KHDC1: variants seen among roughly 807,000 people sequenced by gnomAD.
The protein encoded by KHDC1 is KH domain containing 1.
In KHDC1, 21 loss-of-function variants were observed where a neutral mutation model predicts 24.7. That is an observed-to-expected ratio of 0.85 (90% CI 0.60 to 1.23). The LOEUF is 1.23. KHDC1 is among the 50% of genes most tolerant of loss of function. KHDC1 has a pLI of 0.00. For synonymous variants in KHDC1, 98 were observed against 111.7 expected (o/e 0.88, Z 0.77); for missense variants, 274 against 298.5 (o/e 0.92, Z 0.61).
At chr6:73,288,525 G>A (rs1767563423) in intron 2 of KHDC1, among the ~76,000 whole-genome samples, 2 of 152,146 alleles carry the variant, frequency 1.3e-5, no homozygotes, top group African/African-American at 4.8e-5. Context: ...GGAGGCTGAG[G>A]CAGGAGAATC....
At chr6:73,308,256 AG>A (rs1017530801) in intron 1 of KHDC1, among the ~76,000 whole-genome samples, 57 of 150,872 alleles carry the variant, frequency 3.8e-4, no homozygotes, top group African/African-American at 1.3e-3. Flanking sequence ...TTGTATTTTT[AG>A]TAGAGACAGG....
At chr6:73,279,193 A>T (rs1473945209) in intron 2 of KHDC1, among the ~76,000 whole-genome samples, 1 of 152,192 alleles carries the variant, frequency 6.6e-6, no homozygotes, top group Non-Finnish European at 1.5e-5. Flanking sequence ...GATCACTTGC[A>T]GTCAGGAGTT....
At chr6:73,244,358 T>C (rs987492016) in intron 2 of KHDC1, among the ~76,000 whole-genome samples, 7 of 152,058 alleles carry the variant, frequency 4.6e-5, no homozygotes, top group Non-Finnish European at 1.0e-4. Flanking sequence ...GGGGAGTTAC[T>C]GAAGATTAAG....
chr6:73,278,645 A>G (rs2150658038), intron 2 of KHDC1, among the ~76,000 whole-genome samples: 1 of 152,226 alleles, frequency 6.6e-6, no homozygotes, highest in African/African-American at 2.4e-5. Flanking sequence ...TTCATTATGA[A>G]TTTTTGCATT....
intron 2 of KHDC1, among the ~76,000 whole-genome samples, chr6:73,255,904 CAAAAAA>C (rs1205326198): frequency 2.0e-5 from 1 of 49,402 alleles, no homozygotes; most frequent in Non-Finnish European, 4.4e-5. Flanking sequence ...CCTGTCTCAA[CAAAAAA>C]AAAAAAAAAA....
At chr6:73,267,313 C>A (rs1299389533) in intron 2 of KHDC1, among the ~76,000 whole-genome samples, 1 of 152,018 alleles carries the variant, frequency 6.6e-6, no homozygotes, top group Non-Finnish European at 1.5e-5. Flanking sequence ...AACCCCATCT[C>A]TACTAAAAAA....
At chr6:73,291,872 A>G (rs1464432095) in intron 2 of KHDC1, 3 of 1,024,898 alleles carry the variant, frequency 2.9e-6, no homozygotes, top group Non-Finnish European at 4.4e-6. Flanking sequence ...CTATTACACA[A>G]TACATTCATG....
intron 2 of KHDC1, among the ~76,000 whole-genome samples, chr6:73,289,859 G>C (rs1767607463): frequency 6.6e-6 from 1 of 151,970 alleles, no homozygotes; most frequent in Admixed American, 6.5e-5. Context: ...CCAGCACTTT[G>C]GGAGGCCGAG....
chr6:73,243,744 G>A lies in KHDC1; in HGVS notation c.207-1214C>T, dbSNP rs547563808. 7.9e-5 allele frequency among the ~76,000 whole-genome samples: 12 copies of A among 152,312 alleles called. No individual in the cohort carries two copies. The East Asian group carries it at 2.3e-3, about 29-fold the overall frequency. On this transcript the variant is annotated intron_variant, in intron 2 of 4. Transcript: ENST00000370384. Reference sequence around the variant, plus strand: ...TTTAACCTTGCCACAAAACTGTTCTGCCTGAGCAGTAATGTTTTAGCGAGG... The same window carrying A: ...TTTAACCTTGCCACAAAACTGTTCTACCTGAGCAGTAATGTTTTAGCGAGG...
intron 2 of KHDC1, chr6:73,275,419 T>A (rs1767266816): frequency 6.0e-6 from 1 of 167,008 alleles, no homozygotes; most frequent in Non-Finnish European, 1.5e-5. Flanking sequence ...CCAGCCTGGT[T>A]GCAACCCTGT....
At chr6:73,259,986 C>T (rs753209252) in intron 2 of KHDC1, among the ~76,000 whole-genome samples, 23 of 152,142 alleles carry the variant, frequency 1.5e-4, no homozygotes, top group Non-Finnish European at 2.5e-4. Flanking sequence ...TCTTTGGAAG[C>T]ATATCTAAGA....
At chr6:73,254,236 G>C (rs953868055) in intron 2 of KHDC1, among the ~76,000 whole-genome samples, 3 of 151,890 alleles carry the variant, frequency 2.0e-5, no homozygotes, top group African/African-American at 7.2e-5. Context: ...GAGGCGGGTG[G>C]GATCACTTGA....
At chr6:73,251,594 T>C (rs1766777453) in intron 2 of KHDC1, among the ~76,000 whole-genome samples, 1 of 152,144 alleles carries the variant, frequency 6.6e-6, no homozygotes, top group Non-Finnish European at 1.5e-5. Flanking sequence ...GTCTGTATAC[T>C]GGAAAATATA....
At chr6:73,288,698 A>C (rs1420399261) in intron 2 of KHDC1, among the ~76,000 whole-genome samples, 2 of 151,582 alleles carry the variant, frequency 1.3e-5, no homozygotes, top group Non-Finnish European at 2.9e-5. Flanking sequence ...GAGGCAGAGG[A>C]TCACTTGAAG....
At chr6:73,304,039 C>T (rs1430660256) in intron 1 of KHDC1, among the ~76,000 whole-genome samples, 8 of 151,958 alleles carry the variant, frequency 5.3e-5, no homozygotes, top group South Asian at 2.1e-4. Context: ...CTTAGCCAGG[C>T]GTGGTGGCAG....
chr6:73,309,229 A>C (rs1768034255), intron 1 of KHDC1, among the ~76,000 whole-genome samples: 1 of 152,226 alleles, frequency 6.6e-6, no homozygotes, highest in Non-Finnish European at 1.5e-5. Context: ...GACCCGCAAA[A>C]GAGATTTAGT....
chr6:73,302,382 T>G (rs950586293), intron 1 of KHDC1, among the ~76,000 whole-genome samples: 1 of 152,208 alleles, frequency 6.6e-6, no homozygotes, highest in Non-Finnish European at 1.5e-5. Flanking sequence ...AAAAATGCAC[T>G]GTTAGGAGAT....
chr6:73,292,189 A>G, intron 1 of KHDC1: 2 of 1,501,052 alleles, frequency 1.3e-6, no homozygotes, highest in Admixed American at 3.3e-5. Flanking sequence ...ATAGAACCAC[A>G]GTTGTTGCAC....
At chr6:73,248,185 C>A (rs1263951365) in intron 2 of KHDC1, among the ~76,000 whole-genome samples, 1 of 152,166 alleles carries the variant, frequency 6.6e-6, no homozygotes, top group African/African-American at 2.4e-5. Context: ...GGAGACAGAC[C>A]TGAGGAGGGA....
Sources: allele counts gnomAD v4.1 joint callset (sites outside exome capture counted in the v4.1 genomes callset), GRCh38; gene constraint gnomAD v4.1.1; transcripts MANE v1.5; gene names NCBI Gene and HGNC (gene_info 2026-07-23, HGNC 2026-07-21).